Variants in FXR1 observed in about 807,000 individuals in gnomAD.
FXR1 encodes FMR1 autosomal homolog 1.
FXR1 carries 15 observed loss-of-function variants against 84.0 expected under a neutral mutation model. The ratio of observed to expected loss-of-function variants is 0.18; its 90% CI spans 0.12 to 0.27. FXR1 has a LOEUF of 0.27. Ranked by LOEUF, FXR1 falls within the 10% of genes least tolerant of loss-of-function variation. The probability of loss-of-function intolerance (pLI) is 1.00; values close to 1 mark genes in which losing one functional copy is unlikely to be tolerated. For synonymous variants in FXR1, 245 were observed against 250.7 expected (o/e 0.98, Z 0.21); for missense variants, 480 against 774.4 (o/e 0.62, Z 4.51).
chr3:180,926,476 CTG>C (rs1210071259), intron 1 of FXR1, among the ~76,000 whole-genome samples: 2 of 56,486 alleles, frequency 3.5e-5, no homozygotes, highest in African/African-American at 1.6e-4. Flanking sequence ...GGGGATTGTA[CTG>C]TATATATATA....
intron 3 of FXR1, among the ~76,000 whole-genome samples, chr3:180,936,929 G>T (rs1012739784): frequency 2.6e-5 from 4 of 152,140 alleles, no homozygotes; most frequent in African/African-American, 9.7e-5. Context: ...AATGTTACTG[G>T]TGGCATCTGG....
intron 1 of FXR1, among the ~76,000 whole-genome samples, chr3:180,917,082 C>T (rs762904003): frequency 3.9e-5 from 6 of 152,122 alleles, no homozygotes; most frequent in African/African-American, 1.2e-4. Flanking sequence ...TCCATCTGTC[C>T]GCCTCGGCGT....
chr3:180,934,393 G>T (rs934814512), intron 2 of FXR1, among the ~76,000 whole-genome samples: 4 of 152,146 alleles, frequency 2.6e-5, no homozygotes, highest in African/African-American at 9.7e-5. Context: ...ACATATAAAT[G>T]ACCTATGAGA....
Position 180,976,109 on chromosome 3 carries a change from C to T in FXR1, c.1696-13C>T, listed in dbSNP as rs1714209319. ...TTTATAAAGAAGTTGAAAAAGTTGT[C>T]TCCCTTTGGCAGGCAAAAGATGTGA... On this transcript the variant is annotated splice_polypyrimidine_tract_variant and intron_variant, in intron 16 of 16. Transcript: ENST00000357559. 1.3e-6 allele frequency: 2 copies of T among 1,579,922 alleles called. No individual in the cohort carries two copies. Among genetic ancestry groups the T allele is most frequent in the Non-Finnish European group, 8.6e-7 (1 of 1,167,052 alleles).
intron 3 of FXR1, among the ~76,000 whole-genome samples, chr3:180,946,791 C>G (rs919096903): frequency 7.2e-5 from 11 of 152,166 alleles, no homozygotes; most frequent in Non-Finnish European, 1.5e-4. Context: ...TGTTTATCTC[C>G]CAGATGGCTG....
rs1018194423 is a variant in FXR1 at position 180,980,758 on chromosome 3, A to G, written c.*4466A>G. ...CACAGGATAGAAGCTCTTCCTATAT[A>G]TATCTTGTTGCTAAGGCAGTAGTTG... On this transcript the variant is annotated 3_prime_UTR_variant, in exon 17 of 17. Transcript: ENST00000357559. 1.3e-5 allele frequency: 2 copies of G among 152,022 alleles called. No individual in the cohort carries two copies. The highest frequency in any genetic ancestry group is 2.9e-5 in the Non-Finnish European group (2 of 67,942). The allele number at this position is 152,022 out of a possible 1,614,324, so 9.4% of individuals were successfully genotyped here. A position where few individuals can be genotyped will look rare whatever the true frequency, so the allele number is the denominator to read the frequency against.
At chr3:180,918,743 T>A (rs1718201611) in intron 1 of FXR1, among the ~76,000 whole-genome samples, 1 of 152,238 alleles carries the variant, frequency 6.6e-6, no homozygotes, top group South Asian at 2.1e-4. Flanking sequence ...TCTTTGCTAG[T>A]TTCTGTTGAT....
intron 3 of FXR1, among the ~76,000 whole-genome samples, chr3:180,942,367 G>A (rs13071962): frequency 0.21 from 22,624 of 108,884 alleles, 2,116 homozygotes; most frequent in Middle Eastern, 0.45. Flanking sequence ...GACAGAGCGA[G>A]ACTCCGTCTC....
At chr3:180,931,984 G>A (rs1159574246) in intron 1 of FXR1, among the ~76,000 whole-genome samples, 1 of 137,416 alleles carries the variant, frequency 7.3e-6, no homozygotes. Flanking sequence ...CAAGGTGTCC[G>A]CCTTTCTTGT....
At chr3:180,927,577 G>A (rs1560165856) in intron 1 of FXR1, 2 of 589,080 alleles carry the variant, frequency 3.4e-6, no homozygotes, top group South Asian at 2.0e-5. Flanking sequence ...TTGTTTTTCA[G>A]CTATATTCTG....
At chr3:180,976,041 T>A in intron 16 of FXR1, 81 bp from the exon 17 acceptor site, 2 of 1,023,678 alleles carry the variant, frequency 2.0e-6, no homozygotes, top group South Asian at 3.2e-5. Context: ...AATTAGCTAA[T>A]TAGTGTTTAT....
At chr3:180,923,583 A>G (rs557662322) in intron 1 of FXR1, among the ~76,000 whole-genome samples, 2 of 152,012 alleles carry the variant, frequency 1.3e-5, no homozygotes, top group East Asian at 3.9e-4. Flanking sequence ...CAGAAACTTT[A>G]TTATGAATCT....
rs541594852 is a variant in FXR1, at chr3:180,966,973, TTAAA to T, written c.1199-1072_1199-1069del. 1.1e-3 allele frequency among the ~76,000 whole-genome samples: 171 copies of T among 152,314 alleles called. 1 individual carries two copies. The highest frequency in any genetic ancestry group is 4.0e-3 in the African/African-American group (168 of 41,578). On this transcript the variant is annotated intron_variant, in intron 13 of 16. Coordinates refer to ENST00000357559, the MANE Select transcript of FXR1 (RefSeq NM_005087.4). The stretch of plus-strand genomic sequence containing the variant: ...GCCTCTGATTATATCTTTGTGGTGT[TTAAA>T]TAAATTTTTGAAAGGTCACCATTAC...
At chr3:180,955,863 T>C (rs1004335979) in intron 9 of FXR1, among the ~76,000 whole-genome samples, 3 of 152,230 alleles carry the variant, frequency 2.0e-5, no homozygotes, top group Non-Finnish European at 2.9e-5. Context: ...GAGTACCTGT[T>C]GTCTCTTTTC....
At position 180,944,498 on chromosome 3, in the gene FXR1, A is replaced by T. The variant is rs1005377762; in HGVS notation, c.199-3367A>T. On this transcript the variant is annotated intron_variant, in intron 3 of 16. Transcript: ENST00000357559. The stretch of plus-strand genomic sequence containing the variant: ...AACCACACCTGGCTAATTAAAAAAA[A>T]ATTTTTTTTATAGAGACGAAATCTT... Among the ~76,000 whole-genome samples, 5 of 151,506 alleles carry T rather than the reference A, an allele frequency of 3.3e-5. No homozygotes were observed. In the East Asian group the frequency reaches 9.9e-4, roughly 30 times the overall value.
intron 4 of FXR1, 124 bp downstream of exon 4, chr3:180,948,060 C>A: frequency 1.6e-6 from 1 of 641,524 alleles, no homozygotes; most frequent in Non-Finnish European, 2.8e-6. Flanking sequence ...AATAGTTGAT[C>A]AGACATTTCC....
chr3:180,952,536 A>G (rs1722329218), intron 8 of FXR1, among the ~76,000 whole-genome samples: 1 of 151,890 alleles, frequency 6.6e-6, no homozygotes, highest in Non-Finnish European at 1.5e-5. Context: ...TAGCCTGAGC[A>G]ACAGAGAGCA....
At chr3:180,946,137 A>C (rs896038743) in intron 3 of FXR1, among the ~76,000 whole-genome samples, 3 of 152,234 alleles carry the variant, frequency 2.0e-5, no homozygotes, top group Non-Finnish European at 2.9e-5. Flanking sequence ...CGGTAGCTAA[A>C]AGCAGACTAC....
chr3:180,957,874 T>G lies in FXR1; in HGVS notation c.936T>G (p.Gly312=). The change falls in exon 10 of 17, where the codon GGT becomes GGG. Residue 312 remains glycine, a synonymous_variant. Coordinates refer to ENST00000357559, the MANE Select transcript of FXR1 (RefSeq NM_005087.4). Reference sequence around the variant, plus strand: ...TTCAAGAAATAGTGGACAAATCTGGTGTGGTTCGAGTGAGAATTGAAGGGG... The same window carrying G: ...TTCAAGAAATAGTGGACAAATCTGGGGTGGTTCGAGTGAGAATTGAAGGGG... ...KVIQEIVDKS[G]VVRVRIEGDN... 1 of 1,595,128 alleles carries G rather than the reference T, an allele frequency of 6.3e-7. No individual in the cohort carries two copies. Among genetic ancestry groups the G allele is most frequent in the Non-Finnish European group, 8.6e-7 (1 of 1,165,762 alleles).
Sources: gnomAD v4.1 joint callset for allele counts (sites outside exome capture counted in the v4.1 genomes callset) on GRCh38, gnomAD v4.1.1 for gene constraint, MANE v1.5 for transcripts, NCBI Gene and HGNC (gene_info 2026-07-23, HGNC 2026-07-21) for gene names.